INPP4B: variants seen among roughly 807,000 people sequenced by gnomAD.
INPP4B encodes the protein inositol polyphosphate 4-phosphatase type II.
INPP4B carries 55 observed loss-of-function variants against 122.5 expected under a neutral mutation model. The ratio of observed to expected loss-of-function variants is 0.45; its 90% CI spans 0.36 to 0.56. The LOEUF is 0.56. Among genes scored for constraint, INPP4B ranks in the 20% least tolerant of loss-of-function variants. The probability of loss-of-function intolerance (pLI) is 0.00; values close to 1 mark genes in which losing one functional copy is unlikely to be tolerated. For synonymous variants in INPP4B, 403 were observed against 388.7 expected (o/e 1.04, Z -0.43); for missense variants, 1,000 against 1,097.7 (o/e 0.91, Z 1.26).
chr4:142,141,271 T>C (rs544175704), intron 18 of INPP4B, among the ~76,000 whole-genome samples: 45 of 152,318 alleles, frequency 3.0e-4, no homozygotes, highest in Admixed American at 9.2e-4. Flanking sequence ...CCTCATAGGC[T>C]AGTTGAAAAC....
intron 2 of INPP4B, among the ~76,000 whole-genome samples, chr4:142,476,199 A>T: frequency 6.6e-6 from 1 of 152,244 alleles, no homozygotes; most frequent in East Asian, 1.9e-4. Context: ...AGCATTAATA[A>T]AGAAATTCCA....
At chr4:142,076,890 C>T (rs1228023399) in intron 25 of INPP4B, among the ~76,000 whole-genome samples, 1 of 151,904 alleles carries the variant, frequency 6.6e-6, no homozygotes, top group Non-Finnish European at 1.5e-5. Flanking sequence ...AAAAAATAAG[C>T]TCAAGTGGAA....
chr4:142,465,958 T>C (rs1415818154), intron 2 of INPP4B, among the ~76,000 whole-genome samples: 2 of 152,212 alleles, frequency 1.3e-5, no homozygotes, highest in Non-Finnish European at 2.9e-5. Flanking sequence ...ATACTTCCTA[T>C]GGAACCTACA....
At chr4:142,388,264 C>T (rs1185343335) in intron 7 of INPP4B, among the ~76,000 whole-genome samples, 2 of 152,172 alleles carry the variant, frequency 1.3e-5, no homozygotes, top group Non-Finnish European at 2.9e-5. Context: ...AATTTAAGAG[C>T]ATTTTTAAAG....
At chr4:142,399,930 A>G (rs1801052755) in intron 7 of INPP4B, among the ~76,000 whole-genome samples, 1 of 152,152 alleles carries the variant, frequency 6.6e-6, no homozygotes, top group Non-Finnish European at 1.5e-5. Context: ...AGGATGTAGT[A>G]GAAGGAAACA....
At chr4:142,695,424 G>A (rs1008953127) in intron 2 of INPP4B, among the ~76,000 whole-genome samples, 1 of 152,098 alleles carries the variant, frequency 6.6e-6, no homozygotes, top group Non-Finnish European at 1.5e-5. Flanking sequence ...ACATAGAAGT[G>A]AGTTTTAATA....
At chr4:142,274,775 T>G (rs1747576830) in intron 9 of INPP4B, among the ~76,000 whole-genome samples, 1 of 151,722 alleles carries the variant, frequency 6.6e-6, no homozygotes, top group Non-Finnish European at 1.5e-5. Flanking sequence ...CTCAATCTAC[T>G]TAAGGAAAAA....
At chr4:142,244,636 C>A (rs1016715831) in intron 11 of INPP4B, among the ~76,000 whole-genome samples, 3 of 152,122 alleles carry the variant, frequency 2.0e-5, no homozygotes, top group African/African-American at 7.2e-5. Context: ...CACTGATCGG[C>A]ATTTGGGTTG....
chr4:142,676,224 G>C (rs1006218762), intron 2 of INPP4B, among the ~76,000 whole-genome samples: 2 of 152,016 alleles, frequency 1.3e-5, no homozygotes, highest in Non-Finnish European at 1.5e-5. Flanking sequence ...AGCCAATCAT[G>C]AGTGAACTCC....
intron 2 of INPP4B, among the ~76,000 whole-genome samples, chr4:142,687,863 C>G (rs144255493): frequency 5.9e-5 from 9 of 152,220 alleles, no homozygotes; most frequent in Admixed American, 5.9e-4. Flanking sequence ...ATGACACTAT[C>G]CAATCTCCGC....
chr4:142,650,524 C>A (rs949886861), intron 2 of INPP4B, among the ~76,000 whole-genome samples: 3 of 151,190 alleles, frequency 2.0e-5, no homozygotes, highest in Admixed American at 6.6e-5. Flanking sequence ...AAAGGAAGAT[C>A]TACCTTCAAA....
rs767606020 is a variant in INPP4B, at chr4:142,314,736, A to G, written c.399T>C (p.His133=). 1 of 1,600,594 alleles carries G rather than the reference A, an allele frequency of 6.2e-7. No homozygotes were observed. The highest frequency in any genetic ancestry group is 2.3e-5 in the East Asian group (1 of 43,750). The change falls in exon 8 of 26, where the codon CAT becomes CAC. Residue 133 remains histidine, a synonymous_variant. Transcript: ENST00000262992. ...CCCCAACTTCTGGCGGGGGATCCTT[A>G]TGTTCTGGTAGGACACTGGTTCGAA... The part of the protein sequence containing the change: ...DTVRTSVLPE[H]KDPPPEVGRS...
At chr4:142,476,882 A>T (rs1819860960) in intron 2 of INPP4B, among the ~76,000 whole-genome samples, 1 of 152,170 alleles carries the variant, frequency 6.6e-6, no homozygotes, top group Non-Finnish European at 1.5e-5. Context: ...CCACTGACAG[A>T]TAGTATGAGA....
chr4:142,665,574 A>T (rs1755899901), intron 2 of INPP4B, among the ~76,000 whole-genome samples: 1 of 152,038 alleles, frequency 6.6e-6, no homozygotes, highest in South Asian at 2.1e-4. Context: ...TGTGTCAAAG[A>T]TTTACCTACA....
chr4:142,474,856 C>A (rs1441344584), intron 2 of INPP4B, among the ~76,000 whole-genome samples: 1 of 152,206 alleles, frequency 6.6e-6, no homozygotes, highest in East Asian at 1.9e-4. Context: ...AGTGGTTTTA[C>A]TTTTACTTAA....
chr4:142,790,021 T>C lies in INPP4B; in HGVS notation c.-254+56188A>G, dbSNP rs376286285. Among the ~76,000 whole-genome samples the C allele has an allele frequency of 6.9e-4, 105 of 152,226 alleles. No homozygotes were observed. In the Middle Eastern group the frequency reaches 0.017, roughly 25 times the overall value. ...AACAAATGGTGCTGGGATAATTGGC[T>C]AGCCACATGTAGGAGAATGAAACTG... On this transcript the variant is annotated intron_variant, in intron 1 of 25. Transcript: ENST00000262992.
chr4:142,348,984 T>C (rs1781152033), intron 7 of INPP4B, among the ~76,000 whole-genome samples: 2 of 151,994 alleles, frequency 1.3e-5, no homozygotes, highest in South Asian at 2.1e-4. Flanking sequence ...GGAGCAGATG[T>C]TAGTTTTCCA....
intron 17 of INPP4B, among the ~76,000 whole-genome samples, chr4:142,148,737 TAA>T: frequency 6.6e-6 from 1 of 152,298 alleles, no homozygotes; most frequent in South Asian, 2.1e-4. Flanking sequence ...TTGTAGCCTG[TAA>T]AGAGATCTTC....
At chr4:142,455,761 G>A (rs78952457) in intron 3 of INPP4B, among the ~76,000 whole-genome samples, 2,392 of 151,930 alleles carry the variant, frequency 0.016, 74 homozygotes, top group African/African-American at 0.055. Flanking sequence ...ACTAATTTAC[G>A]TTTCCTCCAG....
Sources: gnomAD v4.1 joint callset for allele counts (sites outside exome capture counted in the v4.1 genomes callset) on GRCh38, gnomAD v4.1.1 for gene constraint, MANE v1.5 for transcripts, NCBI Gene and HGNC (gene_info 2026-07-23, HGNC 2026-07-21) for gene names.